The following SYNE1 variants were observed in gnomAD, a reference collection of about 807,000 sequenced individuals.
SYNE1 encodes spectrin repeat containing nuclear envelope protein 1.
Under a neutral mutation model 1,111.0 loss-of-function variants are expected in SYNE1, and 616 were observed. That is an observed-to-expected ratio of 0.55 (90% CI 0.52 to 0.59). The LOEUF is 0.59. Ranked by LOEUF, SYNE1 falls within the 20% of genes least tolerant of loss-of-function variation. The probability of loss-of-function intolerance (pLI) is 0.00; values close to 1 mark genes in which losing one functional copy is unlikely to be tolerated. For missense variants in SYNE1, 10,006 were observed against 10,417.0 expected, an observed-to-expected ratio of 0.96 and a Z score of 1.72; for synonymous variants, 3,855 against 3,825.8, an observed-to-expected ratio of 1.01 and a Z score of -0.28.
intron 128 of SYNE1, among the ~76,000 whole-genome samples, chr6:152,188,974 A>ATATACAT (rs2071202690): frequency 1.7e-5 from 1 of 59,818 alleles, no homozygotes; most frequent in Admixed American, 2.0e-4. Flanking sequence ...AAAAAAAAAA[A>ATATACAT]AAAAAAAAAA....
chr6:152,221,260 A>G (rs904640733), intron 118 of SYNE1, among the ~76,000 whole-genome samples, 166 bp downstream of exon 118: 16 of 152,230 alleles, frequency 1.1e-4, no homozygotes, highest in Non-Finnish European at 1.8e-4. Flanking sequence ...AATTCTTTCT[A>G]AATCTCTTCA....
Position 152,369,720 on chromosome 6 carries a change from C to T in SYNE1, c.9508-106G>A, listed in dbSNP as rs1467457680. On this transcript the variant is annotated intron_variant, in intron 59 of 145. Transcript: ENST00000367255. The stretch of plus-strand genomic sequence containing the variant: ...CACCCAGGCTGGGCACAGTGGCTCA[C>T]GCCTGTAATCCCAGCACTTTGGGTG... 26 of 1,362,044 alleles carry T rather than the reference C, an allele frequency of 1.9e-5. 1 individual carries two copies. The highest frequency in any genetic ancestry group is 1.2e-4 in the South Asian group (10 of 82,096). The allele number at this position is 1,362,044 out of a possible 1,614,324, so 84.4% of individuals were successfully genotyped here. A position where few individuals can be genotyped will look rare whatever the true frequency, so the allele number is the denominator to read the frequency against.
rs1473483227 is a variant in SYNE1 at position 152,310,859 on chromosome 6, T to C, written c.16725A>G (p.Glu5575=). The C allele has an allele frequency of 2.5e-6, 4 of 1,613,842 alleles. No individual in the cohort carries two copies. Among genetic ancestry groups the C allele is most frequent in the Non-Finnish European group, 3.4e-6 (4 of 1,179,998 alleles). The stretch of plus-strand genomic sequence containing the variant: ...CCAGCTCACTGTCAATTTCTTTGGA[T>C]TCTTCTAGCAGGGTCTAGAGTGAAT... ...QYILHQTLLE[E]SKEIDSELEA... Residue 5575 remains glutamate (E), a synonymous_variant, in exon 88 of 146, where the codon GAA becomes GAG. Transcript: ENST00000367255.
chr6:152,381,523 A>G, intron 55 of SYNE1, 161 bp from the exon 56 acceptor site: 1 of 759,702 alleles, frequency 1.3e-6, no homozygotes, highest in Non-Finnish European at 2.3e-6. Flanking sequence ...AAATTATAAT[A>G]GCGGGAGTTG....
chr6:152,531,481 C>T (rs1293983845), intron 4 of SYNE1, among the ~76,000 whole-genome samples: 1 of 152,148 alleles, frequency 6.6e-6, no homozygotes, highest in African/African-American at 2.4e-5. Context: ...TGTAGTTTAA[C>T]TTTTTAATTT....
At chr6:152,252,032 G>T (rs2089464800) in intron 104 of SYNE1, among the ~76,000 whole-genome samples, 1 of 152,214 alleles carries the variant, frequency 6.6e-6, no homozygotes, top group Non-Finnish European at 1.5e-5. Flanking sequence ...GACTTTGGGA[G>T]GTGGAGGCAG....
Position 152,254,948 on chromosome 6 carries a change from G to C in SYNE1, c.19402C>G (p.Leu6468Val), listed in dbSNP as rs761157799. The C allele has an allele frequency of 1.2e-6, 2 of 1,613,924 alleles. No homozygotes were observed. Among genetic ancestry groups the C allele is most frequent in the South Asian group, 1.1e-5 (1 of 91,064 alleles). Residue 6468 changes from leucine (L) to valine (V), a missense_variant, in exon 104 of 146, where the codon CTA becomes GTA. Physicochemically the swap from Leu to Val is conservative, Grantham distance 32. This residue lies in a region of SYNE1 where 2,182 missense variants were observed against 2,287.8 expected (regional missense o/e 0.95). Transcript: ENST00000367255. ...CATCGTTGATTCACTACTGAGTCTAGCAAGGATAACCTGCCCAAAAGACAA... is the reference window on the plus strand; with the variant it reads ...CATCGTTGATTCACTACTGAGTCTACCAAGGATAACCTGCCCAAAAGACAA... ...LGCLLGRLSL[L>V]DSVVNQRCHQ...
At chr6:152,417,588 TGTTA>T (rs1275112237) in intron 40 of SYNE1, among the ~76,000 whole-genome samples, 3 of 152,346 alleles carry the variant, frequency 2.0e-5, no homozygotes, top group East Asian at 3.9e-4. Flanking sequence ...GGATAGAAAT[TGTTA>T]GTTAAAAGAA....
chr6:152,628,209 T>C (rs1007939458), intron 3 of SYNE1, 56 bp downstream of exon 3: 8 of 1,572,830 alleles, frequency 5.1e-6, no homozygotes, highest in Non-Finnish European at 7.0e-6. Flanking sequence ...ATTTAACTGA[T>C]TGTGGGTTAA....
chr6:152,607,420 A>T (rs1417627173), intron 3 of SYNE1, among the ~76,000 whole-genome samples: 1 of 149,640 alleles, frequency 6.7e-6, no homozygotes, highest in African/African-American at 2.4e-5. Flanking sequence ...TGATGTCAAG[A>T]TTTTTTTTTT....
At chr6:152,368,821 C>G (rs572293844) in intron 61 of SYNE1, 151 bp downstream of exon 61, 5 of 929,678 alleles carry the variant, frequency 5.4e-6, no homozygotes, top group Non-Finnish European at 7.0e-6. Flanking sequence ...GATTGCAAGG[C>G]TAAGGAAACA....
intron 139 of SYNE1, 110 bp from the exon 140 acceptor site, chr6:152,140,271 G>A: frequency 9.4e-7 from 1 of 1,067,178 alleles, no homozygotes; most frequent in Non-Finnish European, 1.4e-6. Context: ...AGAAAGAAAA[G>A]TAATTCCACT....
At chr6:152,510,521 C>A in intron 7 of SYNE1, 150 bp from the exon 8 acceptor site, 1 of 860,230 alleles carries the variant, frequency 1.2e-6, no homozygotes, top group Admixed American at 2.0e-5. Context: ...TGATTGATAT[C>A]TTACTCCTCT....
intron 9 of SYNE1, 100 bp from the exon 10 acceptor site, chr6:152,502,842 G>A (rs943292159): frequency 1.6e-5 from 15 of 919,688 alleles, no homozygotes; most frequent in East Asian, 1.0e-4. Flanking sequence ...AACGCTAAAC[G>A]CAGAAGGAAA....
At position 152,436,033 on chromosome 6, in the gene SYNE1, T is replaced by A. The variant is rs368727420; in HGVS notation, c.4218A>T (p.Ile1406=). The A allele has an allele frequency of 3.7e-6, 6 of 1,614,154 alleles. No homozygotes were observed. In the African/African-American group the frequency reaches 5.3e-5, roughly 14 times the overall value. ...GCTGCTTATTTTGGGGCCCAAGCGG[T>A]ATCTCTGAAGCTTCCTTTACAAGGT... ...AENLVKEASE[I]PLGPQNKQLL... is the part of the protein sequence containing the mutation. The change falls in exon 33 of 146, where the codon ATA becomes ATT. Residue 1406 remains isoleucine (I), a synonymous_variant. Transcript: ENST00000367255.
At chr6:152,621,337 C>CA (rs1480912337) in intron 3 of SYNE1, among the ~76,000 whole-genome samples, 17 of 152,094 alleles carry the variant, frequency 1.1e-4, no homozygotes, top group African/African-American at 4.1e-4. Context: ...ATAAGAGTAA[C>CA]AAAAGTAAGG....
intron 139 of SYNE1, 122 bp downstream of exon 139, chr6:152,141,081 G>C (rs2058440975): frequency 1.5e-6 from 2 of 1,373,364 alleles, no homozygotes; most frequent in Admixed American, 3.4e-5. Flanking sequence ...AACTTGGAAG[G>C]AAGTTCTCAG....
Position 152,373,178 on chromosome 6 carries a change from G to A in SYNE1, c.9366C>T (p.Asn3122=), listed in dbSNP as rs750928592. The A allele has an allele frequency of 1.2e-6, 2 of 1,613,674 alleles. No homozygotes were observed. Among genetic ancestry groups the A allele is most frequent in the African/African-American group, 1.3e-5 (1 of 74,882 alleles). Residue 3122 remains asparagine (N), a synonymous_variant, in exon 59 of 146, where the codon AAC becomes AAT. Coordinates refer to ENST00000367255, the MANE Select transcript of SYNE1 (RefSeq NM_182961.4). The part of the protein sequence containing the change: ...SESENGQHKL[N]MMLSKGELLS... ...GAAGTTCCCCTTTAGACAGCATCATGTTTAGCTTGTGCTGTCCATTTTCAC... is the reference window on the plus strand; with the variant it reads ...GAAGTTCCCCTTTAGACAGCATCATATTTAGCTTGTGCTGTCCATTTTCAC...
chr6:152,472,487 C>G, intron 14 of SYNE1, 74 bp from the exon 15 acceptor site: 5 of 1,361,056 alleles, frequency 3.7e-6, no homozygotes, highest in Admixed American at 1.8e-5. Flanking sequence ...TAATTTCCAG[C>G]CCGCACCGAT....
Sources: gnomAD v4.1 joint callset for allele counts (sites outside exome capture counted in the v4.1 genomes callset) on GRCh38, gnomAD v4.1.1 for gene constraint, gnomAD v4.1.1 regional missense constraint, MANE v1.5 for transcripts, NCBI Gene and HGNC (gene_info 2026-07-23, HGNC 2026-07-21) for gene names.